The following CCM2 variants were observed in gnomAD, a reference collection of about 807,000 sequenced individuals.
The protein encoded by CCM2 is cerebral cavernous malformations 2 protein.
Under a neutral mutation model 44.9 loss-of-function variants are expected in CCM2, and 25 were observed. The ratio of observed to expected loss-of-function variants is 0.56; its 90% CI spans 0.41 to 0.78. The LOEUF is 0.78. Ranked by LOEUF, CCM2 falls within the 30% of genes least tolerant of loss-of-function variation. The pLI is 0.00. For missense variants in CCM2, 481 were observed against 580.6 expected (o/e 0.83, Z 1.76); for synonymous variants, 219 against 241.1 (o/e 0.91, Z 0.85).
intron 1 of CCM2, among the ~76,000 whole-genome samples, chr7:45,033,365 C>T (rs1797059418): frequency 6.6e-6 from 1 of 152,060 alleles, no homozygotes; most frequent in South Asian, 2.1e-4. Context: ...TTTGTGGGAC[C>T]TGTTGATTTG....
intron 1 of CCM2, among the ~76,000 whole-genome samples, chr7:45,034,931 G>A (rs1294967): frequency 0.47 from 71,554 of 151,876 alleles, 18,300 homozygotes; most frequent in East Asian, 0.7. Context: ...TTGACCTACC[G>A]GGCTCAAGCA....
chr7:45,057,488 C>T (rs988827316), intron 2 of CCM2, among the ~76,000 whole-genome samples: 1 of 152,172 alleles, frequency 6.6e-6, no homozygotes, highest in African/African-American at 2.4e-5. Flanking sequence ...ATCCATTGGT[C>T]AGTGTCTGTC....
intron 1 of CCM2, among the ~76,000 whole-genome samples, chr7:45,030,747 G>A (rs1898962): frequency 0.15 from 23,296 of 151,718 alleles, 3,538 homozygotes; most frequent in African/African-American, 0.39. Context: ...TTCTTGAGAC[G>A]GAGTCTCACT....
intron 1 of CCM2, among the ~76,000 whole-genome samples, chr7:45,011,625 C>T (rs2128714264): frequency 6.6e-6 from 1 of 151,994 alleles, no homozygotes; most frequent in African/African-American, 2.4e-5. Context: ...GATCTTGGCT[C>T]ACTGCAACCT....
chr7:45,052,596 T>C (rs916040556), intron 2 of CCM2, among the ~76,000 whole-genome samples: 1 of 152,186 alleles, frequency 6.6e-6, no homozygotes, highest in African/African-American at 2.4e-5. Context: ...TAGTTCCTGA[T>C]TGGTTTGAGG....
intron 1 of CCM2, among the ~76,000 whole-genome samples, chr7:45,015,559 A>C (rs146337513): frequency 1.3e-5 from 2 of 152,226 alleles, no homozygotes; most frequent in African/African-American, 4.8e-5. Flanking sequence ...GCCCTGACCA[A>C]CATGTTCCTG....
At chr7:45,001,225 C>G (rs1053336330) in intron 1 of CCM2, among the ~76,000 whole-genome samples, 2 of 152,146 alleles carry the variant, frequency 1.3e-5, no homozygotes, top group Non-Finnish European at 2.9e-5. Context: ...ACAGAGTGCC[C>G]CATTTAAAAG....
At chr7:45,033,689 G>A (rs1409746636) in intron 1 of CCM2, among the ~76,000 whole-genome samples, 1 of 152,188 alleles carries the variant, frequency 6.6e-6, no homozygotes. Context: ...CGAAAAGCTG[G>A]GCTCATGGGC....
chr7:45,064,338 A>G lies in CCM2; in HGVS notation c.289-125A>G, dbSNP rs906410142. On this transcript the variant is annotated intron_variant, in intron 3 of 9. Transcript: ENST00000258781. ...TAAGCACTGTTCTGAGGGGAATAAC[A>G]CTGACCTTATTCACTCAGCATTTGT... The G allele has an allele frequency of 3.6e-5, 34 of 937,650 alleles. No individual in the cohort carries two copies. In the African/African-American group the frequency reaches 4.7e-4, roughly 13 times the overall value. The allele number at this position is 937,650 out of a possible 1,614,324, so 58.1% of individuals were successfully genotyped here.
At chr7:45,070,008 G>A (rs1311405740) in intron 6 of CCM2, 47 bp downstream of exon 6, 1 of 1,606,266 alleles carries the variant, frequency 6.2e-7, no homozygotes, top group Non-Finnish European at 8.5e-7. Flanking sequence ...GGACAGGAGG[G>A]GCTACTGCAG....
chr7:45,048,776 C>A (rs1206836648), intron 2 of CCM2, among the ~76,000 whole-genome samples: 1 of 151,262 alleles, frequency 6.6e-6, no homozygotes, highest in African/African-American at 2.4e-5. Flanking sequence ...AAAAAAAATT[C>A]TTTCTGTAGT....
At position 45,005,907 on chromosome 7, in the gene CCM2, T is replaced by G. The variant is rs1490789376; in HGVS notation, c.30+5544T>G. Among the ~76,000 whole-genome samples the G allele has an allele frequency of 2.6e-5, 4 of 152,232 alleles. No individual in the cohort carries two copies. The East Asian group carries it at 7.7e-4, about 29-fold the overall frequency. ...CCCCAGTCCTGGGAAGTCCTTGGGC[T>G]GGGAAGTTGGGTGTTGGTTCTGTAT... On this transcript the variant is annotated intron_variant, in intron 1 of 9. Transcript: ENST00000258781.
At chr7:45,036,892 C>A (rs1797244798) in intron 1 of CCM2, among the ~76,000 whole-genome samples, 1 of 152,116 alleles carries the variant, frequency 6.6e-6, no homozygotes, top group South Asian at 2.1e-4. Flanking sequence ...CATCTGTGCA[C>A]TGGGTCACCC....
chr7:45,042,316 T>C (rs1797551123), intron 2 of CCM2, among the ~76,000 whole-genome samples: 1 of 149,780 alleles, frequency 6.7e-6, no homozygotes, highest in Non-Finnish European at 1.5e-5. Flanking sequence ...GGTTAAATTT[T>C]CTAGCATTTG....
In CCM2 at chr7:45,074,350, C is replaced by T. The variant is rs1030877825; in HGVS notation, c.996C>T (p.His332=). 5 of 1,613,672 alleles carry T rather than the reference C, an allele frequency of 3.1e-6. No individual in the cohort carries two copies. The highest frequency in any genetic ancestry group is 2.2e-5 in the East Asian group (1 of 44,904). Residue 332 remains histidine, a synonymous_variant, in exon 9 of 10, where the codon CAC becomes CAT. Transcript: ENST00000258781. ...LHEYRNGASI[H]EFCINLRQLY... ...AGTACCGCAATGGGGCCTCTATCCA[C>T]GAGTTCTGCATCAACCTGCGGCAGC...
chr7:45,071,884 A>C (rs1428319676), intron 6 of CCM2: 1 of 456,698 alleles, frequency 2.2e-6, no homozygotes, highest in Non-Finnish European at 4.4e-6. Flanking sequence ...TCAGCTGATA[A>C]GCATCCTTTA....
intron 2 of CCM2, among the ~76,000 whole-genome samples, chr7:45,055,653 A>G (rs1333194167): frequency 6.6e-6 from 1 of 152,220 alleles, no homozygotes; most frequent in Non-Finnish European, 1.5e-5. Flanking sequence ...GCACCACTGC[A>G]CTCCAGCCTA....
At chr7:45,027,746 CAAAG>C (rs1796755684) in intron 1 of CCM2, 2 of 1,613,996 alleles carry the variant, frequency 1.2e-6, no homozygotes, top group South Asian at 2.2e-5. Flanking sequence ...AGAATCTCTC[CAAAG>C]AAATTCCTCA....
In CCM2 at chr7:45,021,284, CTGGCACGG is replaced by C. The variant is rs1008895125; in HGVS notation, c.31-16964_31-16957del. Among the ~76,000 whole-genome samples the C allele has an allele frequency of 5.3e-4, 81 of 152,060 alleles. 1 individual carries two copies. Among genetic ancestry groups the C allele is most frequent in the African/African-American group, 1.9e-3 (80 of 41,484 alleles). ...AAAAATAAAAAAAATAATAAATAGGCTGGCACGGTGGCTCACGCCTGTAATCTCAGCAC... is the reference window on the plus strand; with the variant it reads ...AAAAATAAAAAAAATAATAAATAGGCTGGCTCACGCCTGTAATCTCAGCAC... On this transcript the variant is annotated intron_variant, in intron 1 of 9. Coordinates refer to ENST00000258781, the MANE Select transcript of CCM2 (RefSeq NM_031443.4).
Sources: gnomAD v4.1 joint callset for allele counts (sites outside exome capture counted in the v4.1 genomes callset) on GRCh38, gnomAD v4.1.1 for gene constraint, MANE v1.5 for transcripts, NCBI Gene and HGNC (gene_info 2026-07-23, HGNC 2026-07-21) for gene names.